FOCAD: variants seen among roughly 807,000 people sequenced by gnomAD.
The protein encoded by FOCAD is KIAA1797.
Under a neutral mutation model 225.6 loss-of-function variants are expected in FOCAD, and 198 were observed. The ratio of observed to expected loss-of-function variants is 0.88; its 90% confidence interval spans 0.78 to 0.99. The LOEUF (loss-of-function observed/expected upper bound fraction) is 0.99, where lower values mean the gene tolerates loss of function less well. Ranked by LOEUF, FOCAD falls within the 50% of genes least tolerant of loss-of-function variation. FOCAD has a pLI of 0.00. For synonymous variants in FOCAD, 897 were observed against 755.0 expected, an observed-to-expected ratio of 1.19 and a Z score of -3.08; for missense variants, 2,713 against 2,123.6, an observed-to-expected ratio of 1.28 and a Z score of -5.46.
chr9:20,939,067 G>A (rs4977604), intron 28 of FOCAD, among the ~76,000 whole-genome samples: 51,213 of 149,136 alleles, frequency 0.34, 9,013 homozygotes, highest in East Asian at 0.47. Flanking sequence ...GTAGTATGGT[G>A]TGAACCCGGG....
intron 15 of FOCAD, among the ~76,000 whole-genome samples, chr9:20,833,294 A>G (rs1310362130): frequency 1.3e-5 from 2 of 152,036 alleles, no homozygotes; most frequent in East Asian, 1.9e-4. Flanking sequence ...TACCAATAGC[A>G]GTCCTGAATG....
chr9:20,939,635 G>A (rs1179666177), intron 28 of FOCAD, among the ~76,000 whole-genome samples: 1 of 151,118 alleles, frequency 6.6e-6, no homozygotes, highest in African/African-American at 2.4e-5. Context: ...ATTTATTTTT[G>A]TTACTAATAA....
chr9:20,785,839 T>C (rs188318779), intron 10 of FOCAD, among the ~76,000 whole-genome samples: 1 of 152,296 alleles, frequency 6.6e-6, no homozygotes, highest in East Asian at 1.9e-4. Context: ...CAGATTGTTT[T>C]CCAAAGGGGC....
At position 20,866,966 on chromosome 9, in the gene FOCAD, C is replaced by G. The variant is rs773988129; in HGVS notation, c.2144C>G (p.Ala715Gly). Residue 715 changes from alanine to glycine, a missense_variant, in exon 18 of 44, where the codon GCC becomes GGC. Coordinates refer to ENST00000338382, the MANE Select transcript of FOCAD (RefSeq NM_001375567.1). The part of the protein sequence containing the change: ...IVANAAYRSL[A>G]NFSAGEHTIL... ...GCAAATGCTGCATATAGATCCCTGG[C>G]CAACTTTAGTGCAGGAGAACACACC... 4.7e-6 allele frequency: 7 copies of G among 1,484,542 alleles called. No homozygotes were observed. The East Asian group carries it at 1.8e-4, about 39-fold the overall frequency. The allele number at this position is 1,484,542 out of a possible 1,614,324, so 92.0% of individuals were successfully genotyped here. A position where few individuals can be genotyped will look rare whatever the true frequency, so the allele number is the denominator to read the frequency against.
chr9:20,691,340 C>G (rs561504887), intron 1 of FOCAD, among the ~76,000 whole-genome samples: 2 of 152,278 alleles, frequency 1.3e-5, no homozygotes, highest in South Asian at 4.1e-4. Context: ...GACTCCTTTA[C>G]TGGTTCTTCC....
intron 29 of FOCAD, 86 bp from the exon 30 acceptor site, chr9:20,946,615 A>G (rs1837207707): frequency 1.4e-6 from 2 of 1,414,446 alleles, no homozygotes; most frequent in South Asian, 2.7e-5. Context: ...TCTGGGGGGG[A>G]GTTTGACAGA....
intron 15 of FOCAD, among the ~76,000 whole-genome samples, chr9:20,837,677 A>G (rs960419932): frequency 6.6e-6 from 1 of 152,104 alleles, no homozygotes; most frequent in African/African-American, 2.4e-5. Flanking sequence ...TGGAAGCATT[A>G]TGTTTGTACA....
chr9:20,824,440 CT>C (rs1303439762), intron 15 of FOCAD, among the ~76,000 whole-genome samples: 1 of 151,936 alleles, frequency 6.6e-6, no homozygotes, highest in African/African-American at 2.4e-5. Context: ...GTAATTTAGC[CT>C]TATTGCTTTT....
At chr9:20,690,653 G>C (rs915800926) in intron 1 of FOCAD, among the ~76,000 whole-genome samples, 2 of 152,034 alleles carry the variant, frequency 1.3e-5, no homozygotes, top group Non-Finnish European at 2.9e-5. Flanking sequence ...GGCTCAAGTG[G>C]TACTTCTGCC....
intron 15 of FOCAD, among the ~76,000 whole-genome samples, chr9:20,827,642 A>C (rs539116127): frequency 1.3e-5 from 2 of 152,218 alleles, no homozygotes; most frequent in African/African-American, 4.8e-5. Flanking sequence ...AGACACGGAA[A>C]GAAAAATATT....
intron 1 of FOCAD, among the ~76,000 whole-genome samples, chr9:20,695,263 C>A (rs959027100): frequency 6.6e-6 from 1 of 152,080 alleles, no homozygotes; most frequent in South Asian, 2.1e-4. Flanking sequence ...CATGAGGATA[C>A]AATGTGTGGT....
At chr9:20,957,125 A>G (rs1484065584) in intron 35 of FOCAD, among the ~76,000 whole-genome samples, 1 of 152,210 alleles carries the variant, frequency 6.6e-6, no homozygotes, top group African/African-American at 2.4e-5. Context: ...GTGCGGTGGC[A>G]CGATCATGGC....
At chr9:20,820,286 C>T (rs1824176194) in intron 12 of FOCAD, 38 bp from the exon 13 acceptor site, 22 of 1,491,588 alleles carry the variant, frequency 1.5e-5, no homozygotes, top group Non-Finnish European at 2.0e-5. Context: ...TGTCTGCATT[C>T]AAGTTTATGC....
chr9:20,740,810 TAG>T (rs1378339446), intron 5 of FOCAD, among the ~76,000 whole-genome samples: 1 of 152,152 alleles, frequency 6.6e-6, no homozygotes, highest in African/African-American at 2.4e-5. Flanking sequence ...TTGTCATCTG[TAG>T]AATGTAATAA....
In FOCAD at chr9:20,981,671, G is replaced by C; in HGVS notation, c.4623G>C (p.Leu1541=). The C allele has an allele frequency of 6.2e-7, 1 of 1,608,566 alleles. No homozygotes were observed. Among genetic ancestry groups the C allele is most frequent in the Non-Finnish European group, 8.5e-7 (1 of 1,177,956 alleles). Reference sequence around the variant, plus strand: ...CTACTGGGAAAATTTTTGACCTCCTGCCAAATAAGATTCGGGTGAGGAACA... The same window carrying C: ...CTACTGGGAAAATTTTTGACCTCCTCCCAAATAAGATTCGGGTGAGGAACA... ...SEATGKIFDL[L]PNKIRRKDLE... Residue 1541 remains leucine (L), a synonymous_variant, in exon 38 of 44, where the codon CTG becomes CTC. Coordinates refer to ENST00000338382, the MANE Select transcript of FOCAD (RefSeq NM_001375567.1).
chr9:20,972,835 C>T (rs528071238), intron 35 of FOCAD, among the ~76,000 whole-genome samples: 5 of 152,300 alleles, frequency 3.3e-5, no homozygotes, highest in Admixed American at 3.3e-4. Flanking sequence ...TCCGCTTCTC[C>T]TTGTTCCCAT....
chr9:20,727,530 A>G (rs1826303249), intron 4 of FOCAD, among the ~76,000 whole-genome samples: 1 of 152,204 alleles, frequency 6.6e-6, no homozygotes, highest in Admixed American at 6.5e-5. Flanking sequence ...ATTTTATTTT[A>G]AAGAAGCATT....
intron 1 of FOCAD, among the ~76,000 whole-genome samples, chr9:20,706,656 A>C (rs1824413720): frequency 6.6e-6 from 1 of 152,178 alleles, no homozygotes; most frequent in African/African-American, 2.4e-5. Flanking sequence ...AACCTCTCTG[A>C]CATTGTTTCT....
Position 20,912,951 on chromosome 9 carries a change from T to G in FOCAD, c.2804T>G (p.Leu935Arg). ...EVQYKKSTAW[L>R]WVRDMLTDEI... Reference sequence around the variant, plus strand: ...CAGTACAAAAAAAGCACAGCCTGGCTCTGGTAAGTGTTCATGTTCAGCTGC... The same window carrying G: ...CAGTACAAAAAAAGCACAGCCTGGCGCTGGTAAGTGTTCATGTTCAGCTGC... Residue 935 changes from leucine to arginine, a missense_variant, in exon 23 of 44, where the codon CTC becomes CGC. Leu to Arg is a moderately radical substitution (Grantham distance 102). Transcript: ENST00000338382. The G allele has an allele frequency of 6.2e-7, 1 of 1,612,160 alleles. No individual in the cohort carries two copies.
Sources: allele counts gnomAD v4.1 joint callset (sites outside exome capture counted in the v4.1 genomes callset), GRCh38; gene constraint gnomAD v4.1.1; transcripts MANE v1.5; gene names NCBI Gene and HGNC (gene_info 2026-07-23, HGNC 2026-07-21).